TASOR2: variants seen among roughly 807,000 people sequenced by gnomAD.
The protein encoded by TASOR2 is transcription activation suppressor family member 2, also known as protein TASOR 2.
TASOR2 carries 84 observed loss-of-function variants against 199.5 expected under a neutral mutation model. The ratio of observed to expected loss-of-function variants is 0.42; its 90% confidence interval spans 0.35 to 0.50. The LOEUF (loss-of-function observed/expected upper bound fraction) is 0.50. Among genes scored for constraint, TASOR2 ranks in the 20% least tolerant of loss-of-function variants. The pLI is 0.02. For missense variants in TASOR2, 2,796 were observed against 2,835.9 expected (o/e 0.99, Z 0.32); for synonymous variants, 1,103 against 1,046.6 (o/e 1.05, Z -1.04).
intron 1 of TASOR2, among the ~76,000 whole-genome samples, chr10:5,693,205 A>T (rs1836689470): frequency 6.6e-6 from 1 of 152,056 alleles, no homozygotes; most frequent in South Asian, 2.1e-4. Flanking sequence ...TTGTGAGTGG[A>T]TTGTGTGTGG....
intron 8 of TASOR2, among the ~76,000 whole-genome samples, chr10:5,725,766 G>T (rs1423731203): frequency 2.0e-5 from 3 of 152,176 alleles, no homozygotes; most frequent in African/African-American, 7.2e-5. Context: ...GGGTAACAGA[G>T]TGATACCCTG....
chr10:5,756,520 A>G (rs1838969485), intron 15 of TASOR2, 93 bp from the exon 17 acceptor site: 1 of 1,312,516 alleles, frequency 7.6e-7, no homozygotes, highest in Non-Finnish European at 1.0e-6. Context: ...TTGCCTTATT[A>G]GACTATACTG....
chr10:5,742,455 A>G lies in TASOR2; in HGVS notation c.2686A>G (p.Lys896Glu). Reference sequence around the variant, plus strand: ...ACTCTGTGTACAAAATGAACAGAAAAAAACTTTTGCAAGAGAGTGTGATCC... The same window carrying G: ...ACTCTGTGTACAAAATGAACAGAAAGAAACTTTTGCAAGAGAGTGTGATCC... The change falls in exon 14 of 21, where the codon AAA becomes GAA. Residue 896 changes from lysine to glutamate, a missense_variant. Transcript: ENST00000328090. The surrounding 1 kb of genome is among the most constrained non-coding windows in gnomAD (Gnocchi z 4.2). 3.1e-6 allele frequency: 5 copies of G among 1,614,136 alleles called. No individual in the cohort carries two copies. The highest frequency in any genetic ancestry group is 4.2e-6 in the Non-Finnish European group (5 of 1,180,016).
intron 1 of TASOR2, chr10:5,712,306 G>A: frequency 1.1e-6 from 1 of 925,092 alleles, no homozygotes; most frequent in South Asian, 5.7e-5. Flanking sequence ...AGGAATAGGT[G>A]ATGTTTTGAG....
Position 5,746,371 on chromosome 10 carries a change from C to T in TASOR2, c.2950C>T (p.Pro984Ser), listed in dbSNP as rs746577706. Residue 984 changes from proline (P) to serine (S), a missense_variant, in exon 15 of 21, where the codon CCT becomes TCT. By Grantham distance (74) the Pro-to-Ser change is moderately conservative. Around this residue, in one of 3 missense-constraint regions of TASOR2, gnomAD observed 1,941 missense variants for 1,924.9 expected, o/e 1.01. Coordinates refer to ENST00000328090, the Ensembl canonical transcript of TASOR2. Reference sequence around the variant, plus strand: ...CACATTCACCAGGACTTACGATGGGCCTGGCAGTCAGCCAGTGATATGTCA... The same window carrying T: ...CACATTCACCAGGACTTACGATGGGTCTGGCAGTCAGCCAGTGATATGTCA... 2.5e-6 allele frequency: 4 copies of T among 1,614,120 alleles called. No homozygotes were observed. The highest frequency in any genetic ancestry group is 2.2e-5 in the East Asian group (1 of 44,880).
exon 18 of TASOR2, chr10:5,758,951 G>C: frequency 6.2e-7 from 1 of 1,614,172 alleles, no homozygotes. Context: ...GGAAGTGGTT[G>C]CTTCACTACA....
intron 11 of TASOR2, among the ~76,000 whole-genome samples, chr10:5,731,727 G>A (rs1249735192): frequency 6.6e-6 from 1 of 152,136 alleles, no homozygotes; most frequent in Non-Finnish European, 1.5e-5. Context: ...TACCTCAAAA[G>A]CCTACCCACC....
rs1360676723 is a variant in TASOR2, at chr10:5,750,425, A to T, written c.6606+398A>T. On this transcript the variant is annotated intron_variant, in intron 15 of 20. Transcript: ENST00000328090. This position sits in a 1 kb window ranked among gnomAD's most constrained non-coding sequence, Gnocchi z 5.4. ...GGATATATTTTTAATTTGAATTTGA[A>T]TGTTAGGATAACTGATGTTACGGTG... Among the ~76,000 whole-genome samples, 1 of 152,190 alleles carries T rather than the reference A, an allele frequency of 6.6e-6. No homozygotes were observed. The highest frequency in any genetic ancestry group is 1.9e-4 in the East Asian group (1 of 5,198).
In TASOR2 at chr10:5,762,140, C is replaced by T. The variant is rs569479029; in HGVS notation, c.7175-392C>T. ...AAGTTGGCAGGTGTGGTGATGTGTG[C>T]CTATAGTCCTAGCTACTTGGGTTAA... On this transcript the variant is annotated intron_variant, in intron 19 of 20. Transcript: ENST00000328090. 2.0e-5 allele frequency among the ~76,000 whole-genome samples: 3 copies of T among 151,766 alleles called. No homozygotes were observed. In the South Asian group the frequency reaches 6.2e-4, roughly 32 times the overall value.
chr10:5,696,266 T>TCA (rs1160738086), intron 1 of TASOR2, among the ~76,000 whole-genome samples: 1 of 152,188 alleles, frequency 6.6e-6, no homozygotes, highest in Non-Finnish European at 1.5e-5. Flanking sequence ...CTATGGAAAT[T>TCA]CACCCGATTG....
At chr10:5,758,853 G>T (rs1382404937) in intron 17 of TASOR2, 34 bp from the exon 19 acceptor site, 1 of 1,516,896 alleles carries the variant, frequency 6.6e-7, no homozygotes, top group South Asian at 1.1e-5. Flanking sequence ...CCTTAAACTT[G>T]TCATCTTCTT....
chr10:5,731,809 A>G (rs1263896619), intron 11 of TASOR2, among the ~76,000 whole-genome samples: 1 of 152,228 alleles, frequency 6.6e-6, no homozygotes, highest in Non-Finnish European at 1.5e-5. Context: ...ACAACCATCT[A>G]GTTTCTGTGC....
At chr10:5,755,774 TAGCTTGGGCAACACTGCTTGAGGCC>T (rs927394398) in intron 15 of TASOR2, among the ~76,000 whole-genome samples, 2 of 151,894 alleles carry the variant, frequency 1.3e-5, no homozygotes, top group African/African-American at 4.8e-5. Flanking sequence ...TGCTTGAGAC[TAGCTTGGGCAACACTGCTTGAGGCC>T]AGCCTGAGCA....
chr10:5,694,840 G>T (rs1244146179), intron 1 of TASOR2, among the ~76,000 whole-genome samples: 4 of 151,738 alleles, frequency 2.6e-5, no homozygotes, highest in Non-Finnish European at 5.9e-5. Flanking sequence ...GCCCCTTTGT[G>T]GTTTTTTATT....
At position 5,710,029 on chromosome 10, in the gene TASOR2, C is replaced by G. The variant is rs1831708633; in HGVS notation, c.-287-2794C>G. Among the ~76,000 whole-genome samples, 2 of 152,098 alleles carry G rather than the reference C, an allele frequency of 1.3e-5. No individual in the cohort carries two copies. The highest frequency in any genetic ancestry group is 1.3e-4 in the Admixed American group (2 of 15,270). ...ATAGCCCCCTCTTCATTTTCATAGT[C>G]TGGTAATCTTGAATGTTTAAATAAA... is the stretch of plus-strand genomic sequence containing the variant. On this transcript the variant is annotated intron_variant, in intron 1 of 20. Transcript: ENST00000328090. The surrounding 1 kb of genome is among the most constrained non-coding windows in gnomAD (Gnocchi z 4.6).
chr10:5,726,036 C>G (rs1040688728), intron 8 of TASOR2, among the ~76,000 whole-genome samples: 3 of 152,038 alleles, frequency 2.0e-5, no homozygotes, highest in Non-Finnish European at 2.9e-5. Flanking sequence ...TATTTGTAGC[C>G]TTATCACCTC....
chr10:5,762,648 TA>T lies in TASOR2; in HGVS notation c.7289+4del. The T allele has an allele frequency of 7.7e-7, 1 of 1,296,242 alleles. No individual in the cohort carries two copies. The highest frequency in any genetic ancestry group is 1.1e-6 in the Non-Finnish European group (1 of 919,646). 80.3% of individuals were successfully genotyped at this position (1,296,242 alleles called of 1,614,324 possible). On this transcript the variant is annotated splice_donor_region_variant and intron_variant, in intron 20 of 20. Transcript: ENST00000328090. Reference sequence around the variant, plus strand: ...AGCTCCATTTAGGAGTAGCTATTGGTAAGAACACTTTTTATGTAACTTTCCC... The same window carrying T: ...AGCTCCATTTAGGAGTAGCTATTGGTAGAACACTTTTTATGTAACTTTCCC...
At chr10:5,749,265 G>C (rs763200346) in exon 15 of TASOR2, 2 of 1,614,202 alleles carry the variant, frequency 1.2e-6, no homozygotes, top group Admixed American at 3.3e-5. Context: ...GGAGGCACCC[G>C]AGTTTCAGTG....
rs35236379 is a variant in TASOR2 at position 5,685,329 on chromosome 10, G to T, written c.-288+154G>T. Among the ~76,000 whole-genome samples, 16,148 of 152,044 alleles carry T rather than the reference G, an allele frequency of 0.11. 1,097 individuals carry two copies. Among genetic ancestry groups the T allele is most frequent in the Non-Finnish European group, 0.14 (9,769 of 67,952 alleles). ...CGCTCCGGGTGAGGGGGTGGGAGGGGTCGGCGCCTTCTAGATGACTCAACC... is the reference window on the plus strand; with the variant it reads ...CGCTCCGGGTGAGGGGGTGGGAGGGTTCGGCGCCTTCTAGATGACTCAACC... On this transcript the variant is annotated intron_variant, in intron 1 of 20. Transcript: ENST00000328090. This position sits in a 1 kb window ranked among gnomAD's most constrained non-coding sequence, Gnocchi z 5.4.
Sources: allele counts gnomAD v4.1 joint callset (sites outside exome capture counted in the v4.1 genomes callset), GRCh38; gene constraint gnomAD v4.1.1; regional missense constraint gnomAD v4.1.1; non-coding constraint Gnocchi (gnomAD v3.1); transcripts MANE v1.5; gene names NCBI Gene and HGNC (gene_info 2026-07-23, HGNC 2026-07-21).